The following UTRN variants were observed in gnomAD, a reference collection of about 807,000 sequenced individuals.
UTRN encodes dystrophin-related protein 1.
A neutral mutation model predicts 463.9 loss-of-function variants in UTRN; 283 were observed. That is an observed-to-expected ratio of 0.61 (90% CI 0.55 to 0.67). UTRN has a LOEUF of 0.67. Ranked by LOEUF, UTRN falls within the 30% of genes least tolerant of loss-of-function variation. The probability of loss-of-function intolerance (pLI) is 0.00; values close to 1 mark genes in which losing one functional copy is unlikely to be tolerated. For missense variants in UTRN, 3,922 were observed against 4,084.3 expected, an observed-to-expected ratio of 0.96 and a Z score of 1.08; for synonymous variants, 1,442 against 1,431.5, an observed-to-expected ratio of 1.01 and a Z score of -0.17.
intron 51 of UTRN, among the ~76,000 whole-genome samples, chr6:144,580,691 G>A (rs1801891019): frequency 6.6e-6 from 1 of 152,200 alleles, no homozygotes; most frequent in African/African-American, 2.4e-5. Flanking sequence ...GAGCAGTCCA[G>A]CTCATAGAGG....
intron 53 of UTRN, among the ~76,000 whole-genome samples, chr6:144,730,013 G>C (rs781384782): frequency 1.3e-5 from 2 of 152,144 alleles, no homozygotes; most frequent in Non-Finnish European, 2.9e-5. Context: ...CAAGAAAAAA[G>C]TATCTTAGCA....
At chr6:144,366,098 G>T (rs777391013) in intron 2 of UTRN, among the ~76,000 whole-genome samples, 1 of 152,100 alleles carries the variant, frequency 6.6e-6, no homozygotes, top group African/African-American at 2.4e-5. Context: ...TATGTGCATC[G>T]CATTCTATTT....
At chr6:144,601,959 A>ATT (rs536226945) in intron 51 of UTRN, among the ~76,000 whole-genome samples, 1 of 150,552 alleles carries the variant, frequency 6.6e-6, no homozygotes. Flanking sequence ...AATCGTTAGC[A>ATT]TTTTTTTTTG....
intron 13 of UTRN, among the ~76,000 whole-genome samples, chr6:144,441,983 C>T (rs148137710): frequency 2.6e-5 from 4 of 152,070 alleles, no homozygotes; most frequent in East Asian, 1.9e-4. Flanking sequence ...CCACAAGGCA[C>T]GGGGACCCTG....
intron 19 of UTRN, among the ~76,000 whole-genome samples, chr6:144,456,567 C>T (rs370531068): frequency 7.9e-5 from 12 of 151,502 alleles, no homozygotes; most frequent in Middle Eastern, 3.5e-3. Context: ...GCAGGAGAAT[C>T]GCTTGAACCA....
chr6:144,600,316 G>T (rs926473661), intron 51 of UTRN, among the ~76,000 whole-genome samples: 1 of 152,216 alleles, frequency 6.6e-6, no homozygotes, highest in Non-Finnish European at 1.5e-5. Context: ...AGTCAGGATA[G>T]GTCAAAAGCC....
At chr6:144,539,502 G>A (rs2128605926) in intron 45 of UTRN, 59 bp downstream of exon 45, 2 of 1,491,646 alleles carry the variant, frequency 1.3e-6, no homozygotes, top group South Asian at 2.8e-5. Context: ...TGTCAGAGAT[G>A]TGGGATCATG....
chr6:144,331,046 T>G, intron 2 of UTRN: 1 of 984,966 alleles, frequency 1.0e-6, no homozygotes, highest in Non-Finnish European at 1.2e-6. Flanking sequence ...ATGTGGCTAC[T>G]TAAATTTTGT....
intron 39 of UTRN, among the ~76,000 whole-genome samples, chr6:144,519,077 C>G (rs928014646): frequency 1.3e-5 from 2 of 152,088 alleles, no homozygotes; most frequent in Non-Finnish European, 2.9e-5. Context: ...ATTGTCTTAC[C>G]TGAAATATAT....
intron 51 of UTRN, among the ~76,000 whole-genome samples, chr6:144,598,618 A>C (rs1346554559): frequency 6.6e-6 from 1 of 152,212 alleles, no homozygotes; most frequent in Non-Finnish European, 1.5e-5. Flanking sequence ...GGGTATTTCA[A>C]AATATGTCAA....
At chr6:144,620,080 G>A (rs1166937490) in intron 51 of UTRN, among the ~76,000 whole-genome samples, 1 of 152,068 alleles carries the variant, frequency 6.6e-6, no homozygotes, top group African/African-American at 2.4e-5. Flanking sequence ...TTATATATTG[G>A]ATTCCTCTTG....
At chr6:144,338,046 A>T (rs1283652324) in intron 2 of UTRN, among the ~76,000 whole-genome samples, 1 of 152,194 alleles carries the variant, frequency 6.6e-6, no homozygotes, top group Non-Finnish European at 1.5e-5. Flanking sequence ...TTCAGATTTT[A>T]TTTATATCTT....
Position 144,482,293 on chromosome 6 carries a change from T to G in UTRN, c.3592T>G (p.Ser1198Ala). ...NIKLLAAKVP[S>A]GGQELTSELN... ...CAAGTTATTAGCTGCCAAGGTGCCC[T>G]CTGGTGGCCAGGAGTTGACGTCTGA... Residue 1198 changes from serine to alanine, a missense_variant, in exon 27 of 75, where the codon TCT (serine) becomes GCT (alanine). Physicochemically the swap from Ser to Ala is moderately conservative, Grantham distance 99. Coordinates refer to ENST00000367545, the MANE Select transcript of UTRN (RefSeq NM_007124.3). 1 of 1,609,824 alleles carries G rather than the reference T, an allele frequency of 6.2e-7. No homozygotes were observed. Among genetic ancestry groups the G allele is most frequent in the East Asian group, 2.2e-5 (1 of 44,742 alleles).
chr6:144,724,641 C>T (rs1056264340), intron 53 of UTRN, among the ~76,000 whole-genome samples: 2 of 151,896 alleles, frequency 1.3e-5, no homozygotes, highest in South Asian at 2.1e-4. Context: ...CTTTCTGCCT[C>T]TCTAGACTTG....
chr6:144,609,241 G>A lies in UTRN; in HGVS notation c.7479+31953G>A, dbSNP rs893160818. 2.6e-5 allele frequency among the ~76,000 whole-genome samples: 4 copies of A among 152,088 alleles called. 1 individual carries two copies. The highest frequency in any genetic ancestry group is 7.2e-5 in the African/African-American group (3 of 41,414). Reference sequence around the variant, plus strand: ...AAGCATGTACATAGAAAGTGAAGGGGTGAAAAAAGATATTTCACACACATG... The same window carrying A: ...AAGCATGTACATAGAAAGTGAAGGGATGAAAAAAGATATTTCACACACATG... On this transcript the variant is annotated intron_variant, in intron 51 of 74. Coordinates refer to ENST00000367545, the MANE Select transcript of UTRN (RefSeq NM_007124.3).
intron 22 of UTRN, 117 bp downstream of exon 22, chr6:144,461,459 G>A: frequency 8.8e-7 from 1 of 1,132,688 alleles, no homozygotes; most frequent in South Asian, 3.3e-5. Context: ...TTCATCATTG[G>A]TGCAAAAATG....
At chr6:144,831,655 A>G (rs151184907) in intron 69 of UTRN, among the ~76,000 whole-genome samples, 4 of 152,286 alleles carry the variant, frequency 2.6e-5, no homozygotes, top group Non-Finnish European at 4.4e-5. Flanking sequence ...CGAATACTAC[A>G]TATCTTTGAA....
intron 53 of UTRN, among the ~76,000 whole-genome samples, chr6:144,715,545 G>A (rs1786313083): frequency 6.6e-6 from 1 of 152,032 alleles, no homozygotes; most frequent in African/African-American, 2.4e-5. Flanking sequence ...TGACACACTG[G>A]TTTCGGCCAC....
chr6:144,758,039 T>C (rs966572852), intron 58 of UTRN, 50 bp downstream of exon 58: 2 of 1,536,430 alleles, frequency 1.3e-6, no homozygotes, highest in Non-Finnish European at 1.8e-6. Flanking sequence ...TCATGTTTTA[T>C]TGATAACTTA....
Sources: gnomAD v4.1 joint callset for allele counts (sites outside exome capture counted in the v4.1 genomes callset) on GRCh38, gnomAD v4.1.1 for gene constraint, MANE v1.5 for transcripts, NCBI Gene and HGNC (gene_info 2026-07-23, HGNC 2026-07-21) for gene names.